MDGA2: variants seen among roughly 807,000 people sequenced by gnomAD.
MDGA2 encodes MAM domain-containing glycosylphosphatidylinositol anchor protein 2.
In MDGA2, 40 loss-of-function variants were observed where a neutral mutation model predicts 117.8. That is an observed-to-expected ratio of 0.34 (90% CI 0.26 to 0.44). The LOEUF (loss-of-function observed/expected upper bound fraction) is 0.44, where lower values mean the gene tolerates loss of function less well. Ranked by LOEUF, MDGA2 falls within the 20% of genes least tolerant of loss-of-function variation. The pLI, the probability that MDGA2 is intolerant of heterozygous loss-of-function variation, is 1.00. For missense variants in MDGA2, 1,123 were observed against 1,250.6 expected (o/e 0.90, Z 1.54); for synonymous variants, 452 against 439.0 (o/e 1.03, Z -0.37).
intron 8 of MDGA2, among the ~76,000 whole-genome samples, chr14:47,024,401 A>G (rs1306590288): frequency 6.6e-6 from 1 of 152,226 alleles, no homozygotes; most frequent in Non-Finnish European, 1.5e-5. Context: ...ACAAAGAAAC[A>G]GAATACTCAA....
At chr14:46,866,621 A>G (rs1235400673) in intron 14 of MDGA2, among the ~76,000 whole-genome samples, 1 of 152,062 alleles carries the variant, frequency 6.6e-6, no homozygotes. Flanking sequence ...AAAATGGGAG[A>G]AAATTTTTGC....
At chr14:47,180,844 C>T (rs1040307694) in intron 3 of MDGA2, among the ~76,000 whole-genome samples, 1 of 152,094 alleles carries the variant, frequency 6.6e-6, no homozygotes, top group African/African-American at 2.4e-5. Context: ...TCGCTTGAAC[C>T]CGGGAGAAAA....
intron 1 of MDGA2, among the ~76,000 whole-genome samples, chr14:47,308,249 G>T (rs1889520358): frequency 6.6e-6 from 1 of 152,070 alleles, no homozygotes; most frequent in African/African-American, 2.4e-5. Flanking sequence ...CGCTATTTAG[G>T]CTTACTCATA....
At chr14:47,159,348 C>G (rs144835885) in intron 3 of MDGA2, among the ~76,000 whole-genome samples, 1 of 152,260 alleles carries the variant, frequency 6.6e-6, no homozygotes, top group African/African-American at 2.4e-5. Context: ...CTCACACAAA[C>G]TACTTCATGG....
chr14:46,994,930 C>T (rs1272758731), intron 8 of MDGA2, among the ~76,000 whole-genome samples: 1 of 151,962 alleles, frequency 6.6e-6, no homozygotes. Context: ...ATTTTCAGAC[C>T]TTGCTCATTA....
In MDGA2 at chr14:46,860,453, T is replaced by C. The variant is rs1400037428; in HGVS notation, c.2753-5299A>G. ...ACTGACTTTTTTTTATAAGGCTGAATCAATTTGCTAGTATTTTATTTTGGA... is the reference window on the plus strand; with the variant it reads ...ACTGACTTTTTTTTATAAGGCTGAACCAATTTGCTAGTATTTTATTTTGGA... On this transcript the variant is annotated intron_variant, in intron 14 of 16. Coordinates refer to ENST00000399232, the MANE Select transcript of MDGA2 (RefSeq NM_001113498.3). Among the ~76,000 whole-genome samples the C allele has an allele frequency of 3.3e-5, 5 of 152,038 alleles. No homozygotes were observed. In the East Asian group the frequency reaches 9.6e-4, roughly 29 times the overall value.
At chr14:47,572,675 A>T (rs1246042935) in intron 1 of MDGA2, among the ~76,000 whole-genome samples, 1 of 152,132 alleles carries the variant, frequency 6.6e-6, no homozygotes, top group African/African-American at 2.4e-5. Context: ...TCTACCTCCA[A>T]TGGTACTACT....
intron 5 of MDGA2, among the ~76,000 whole-genome samples, chr14:47,114,227 G>A (rs996337257): frequency 6.6e-6 from 1 of 152,068 alleles, no homozygotes; most frequent in African/African-American, 2.4e-5. Flanking sequence ...GGAAGTTAAC[G>A]ACCTCTTCAA....
chr14:47,269,770 G>T (rs1888086705), intron 2 of MDGA2, among the ~76,000 whole-genome samples: 1 of 152,114 alleles, frequency 6.6e-6, no homozygotes, highest in Non-Finnish European at 1.5e-5. Context: ...GAAAAATTCA[G>T]TAGAAATAAG....
chr14:47,414,002 T>C (rs1892425556), intron 1 of MDGA2, among the ~76,000 whole-genome samples: 1 of 152,076 alleles, frequency 6.6e-6, no homozygotes, highest in Non-Finnish European at 1.5e-5. Flanking sequence ...TTCTAGGATG[T>C]GAGAGTCTAT....
At chr14:47,200,517 T>C (rs1177596442) in intron 3 of MDGA2, 2 of 626,042 alleles carry the variant, frequency 3.2e-6, no homozygotes, top group African/African-American at 2.0e-5. Context: ...TTTTCTTTTC[T>C]TTTTTCTTTT....
chr14:47,104,490 C>T (rs1327816441), intron 5 of MDGA2, among the ~76,000 whole-genome samples: 3 of 147,440 alleles, frequency 2.0e-5, no homozygotes, highest in Non-Finnish European at 3.0e-5. Context: ...CACTCCTACC[C>T]GCCAGAGAAC....
Position 46,957,457 on chromosome 14 carries a change from C to A in MDGA2, c.2006G>T (p.Ser669Ile). ...AACCCCATAGTTTTCATTGGAAAGA[C>A]TCTTCACAGCGTACTCTGTGTATTC... ...SQEYTEYAVK[S>I]LSNENYGVYN... The change falls in exon 9 of 17, where the codon AGT (serine) becomes ATT (isoleucine). Residue 669 changes from serine to isoleucine, a missense_variant. Coordinates refer to ENST00000399232, the MANE Select transcript of MDGA2 (RefSeq NM_001113498.3). 1 of 1,614,116 alleles carries A rather than the reference C, an allele frequency of 6.2e-7. No homozygotes were observed. Among genetic ancestry groups the A allele is most frequent in the Non-Finnish European group, 8.5e-7 (1 of 1,180,000 alleles).
chr14:47,110,639 T>C (rs553627821), intron 5 of MDGA2, among the ~76,000 whole-genome samples: 2 of 152,312 alleles, frequency 1.3e-5, no homozygotes, highest in East Asian at 3.9e-4. Flanking sequence ...AACATTTATT[T>C]ATAGCCAATC....
intron 3 of MDGA2, among the ~76,000 whole-genome samples, chr14:47,151,541 T>A (rs183196531): frequency 6.6e-6 from 1 of 152,324 alleles, no homozygotes; most frequent in Admixed American, 6.5e-5. Context: ...ATGACCCTGA[T>A]AATATTACCT....
chr14:47,546,949 A>G (rs541978047), intron 1 of MDGA2, among the ~76,000 whole-genome samples: 1 of 152,290 alleles, frequency 6.6e-6, no homozygotes, highest in Admixed American at 6.5e-5. Flanking sequence ...AGCTGTCAGT[A>G]ACTTATTTTA....
At chr14:47,491,971 T>A (rs1462536864) in intron 1 of MDGA2, among the ~76,000 whole-genome samples, 1 of 152,178 alleles carries the variant, frequency 6.6e-6, no homozygotes, top group Non-Finnish European at 1.5e-5. Context: ...ATTATTTTTC[T>A]ATTTATGGCA....
At chr14:47,516,851 G>A (rs1393756091) in intron 1 of MDGA2, among the ~76,000 whole-genome samples, 2 of 152,148 alleles carry the variant, frequency 1.3e-5, no homozygotes, top group African/African-American at 4.8e-5. Flanking sequence ...TTTTGGTTAA[G>A]TTTTCTACCA....
At chr14:47,577,678 T>C (rs1403923239) in intron 1 of MDGA2, among the ~76,000 whole-genome samples, 2 of 152,090 alleles carry the variant, frequency 1.3e-5, no homozygotes, top group African/African-American at 2.4e-5. Flanking sequence ...AACAAACATA[T>C]GGAAAAAAGC....
Sources: gnomAD v4.1 joint callset for allele counts (sites outside exome capture counted in the v4.1 genomes callset) on GRCh38, gnomAD v4.1.1 for gene constraint, MANE v1.5 for transcripts, NCBI Gene and HGNC (gene_info 2026-07-23, HGNC 2026-07-21) for gene names.